Variants in DPYD observed in about 807,000 individuals in gnomAD.
The protein encoded by DPYD is dihydropyrimidine dehydrogenase [NADP(+)].
Under a neutral mutation model 116.2 loss-of-function variants are expected in DPYD, and 109 were observed. The observed-to-expected ratio is 0.94, with a 90% CI of 0.80 to 1.10. DPYD has a LOEUF of 1.10. Ranked by LOEUF, DPYD falls within the 50% of genes least tolerant of loss-of-function variation. The pLI is 0.00. For missense variants in DPYD, 1,302 were observed against 1,254.5 expected (o/e 1.04, Z -0.57); for synonymous variants, 440 against 432.0 (o/e 1.02, Z -0.23).
intron 3 of DPYD, among the ~76,000 whole-genome samples, chr1:97,760,233 G>T (rs1035372505): frequency 6.6e-6 from 1 of 152,006 alleles, no homozygotes; most frequent in African/African-American, 2.4e-5. Context: ...AGTCCTCTAA[G>T]AATTTTGTTG....
chr1:97,385,479 C>T (rs58067278), intron 14 of DPYD, among the ~76,000 whole-genome samples: 11 of 148,580 alleles, frequency 7.4e-5, no homozygotes, highest in Non-Finnish European at 1.0e-4. Context: ...TACCCTGTGG[C>T]GAAACTGATA....
chr1:97,810,431 A>G (rs919879270), intron 3 of DPYD, among the ~76,000 whole-genome samples: 1 of 152,120 alleles, frequency 6.6e-6, no homozygotes, highest in South Asian at 2.1e-4. Context: ...CTTTAATTAC[A>G]CATTAAAGGG....
At chr1:97,356,548 G>A (rs781638954) in intron 16 of DPYD, among the ~76,000 whole-genome samples, 3 of 152,068 alleles carry the variant, frequency 2.0e-5, no homozygotes, top group Non-Finnish European at 4.4e-5. Flanking sequence ...AGGCAAACAG[G>A]GTCTGGAGTG....
At chr1:97,382,192 T>C (rs1395027348) in intron 15 of DPYD, among the ~76,000 whole-genome samples, 2 of 152,196 alleles carry the variant, frequency 1.3e-5, no homozygotes, top group Non-Finnish European at 2.9e-5. Context: ...ACCGCTTTTA[T>C]AGAATAAATT....
chr1:97,255,100 A>T (rs1458811462), intron 18 of DPYD, among the ~76,000 whole-genome samples: 1 of 152,138 alleles, frequency 6.6e-6, no homozygotes, highest in East Asian at 1.9e-4. Flanking sequence ...TTATGAATGA[A>T]ATGCACTGTT....
intron 3 of DPYD, among the ~76,000 whole-genome samples, chr1:97,800,780 G>A (rs1383760354): frequency 6.6e-6 from 1 of 151,808 alleles, no homozygotes; most frequent in African/African-American, 2.4e-5. Context: ...CCCCACAAGT[G>A]TAACTAGATT....
chr1:97,833,832 TAAAG>T (rs1055339260), intron 2 of DPYD, among the ~76,000 whole-genome samples: 1 of 152,084 alleles, frequency 6.6e-6, no homozygotes, highest in Non-Finnish European at 1.5e-5. Flanking sequence ...TTATGAATAA[TAAAG>T]TAAAAGAAAG....
chr1:97,801,946 C>A (rs74105462), intron 3 of DPYD, among the ~76,000 whole-genome samples: 1 of 151,354 alleles, frequency 6.6e-6, no homozygotes, highest in Admixed American at 6.6e-5. Context: ...ACAAACTTAA[C>A]ATATCTCCTT....
intron 18 of DPYD, among the ~76,000 whole-genome samples, chr1:97,256,182 C>T (rs1416488035): frequency 1.3e-5 from 2 of 152,070 alleles, no homozygotes; most frequent in African/African-American, 2.4e-5. Context: ...TTATTGCCCG[C>T]TAATAAAAGC....
At chr1:97,583,216 GC>G (rs1342917830) in intron 10 of DPYD, among the ~76,000 whole-genome samples, 4 of 152,060 alleles carry the variant, frequency 2.6e-5, no homozygotes, top group Non-Finnish European at 5.9e-5. Context: ...TGATCCACCC[GC>G]CCCGGCTTCC....
chr1:97,242,124 G>GTA (rs71590220), intron 18 of DPYD, among the ~76,000 whole-genome samples: 1,432 of 35,616 alleles, frequency 0.04, 68 homozygotes, highest in Non-Finnish European at 0.052. Context: ...GTGTGCGTGT[G>GTA]TATATATATA....
chr1:97,507,554 C>A (rs993141499), intron 13 of DPYD, among the ~76,000 whole-genome samples: 11 of 151,896 alleles, frequency 7.2e-5, no homozygotes, highest in African/African-American at 2.7e-4. Context: ...TTATTTCTAA[C>A]AAGGTTTCCA....
At chr1:97,312,404 A>T (rs1008539912) in intron 16 of DPYD, among the ~76,000 whole-genome samples, 1 of 151,900 alleles carries the variant, frequency 6.6e-6, no homozygotes, top group Non-Finnish European at 1.5e-5. Context: ...TTAAATTCCA[A>T]TTCCAAATAC....
Position 97,440,353 on chromosome 1 carries a change from G to C in DPYD, c.1905+9706C>G, listed in dbSNP as rs1009123750. The stretch of plus-strand genomic sequence containing the variant: ...TACATTTTTCATGAGATTATTTAAT[G>C]GTTAGGTTTAACTCTTATCATCTAT... On this transcript the variant is annotated intron_variant, in intron 14 of 22. Transcript: ENST00000370192. Among the ~76,000 whole-genome samples, 5 of 150,584 alleles carry C rather than the reference G, an allele frequency of 3.3e-5. No individual in the cohort carries two copies. The East Asian group carries it at 7.7e-4, about 23-fold the overall frequency.
At chr1:97,636,431 C>T (rs904942784) in intron 8 of DPYD, among the ~76,000 whole-genome samples, 2 of 151,950 alleles carry the variant, frequency 1.3e-5, no homozygotes, top group Admixed American at 6.6e-5. Flanking sequence ...GCAAGTCACC[C>T]GACCTTTCCA....
At chr1:97,513,143 A>G (rs1271801100) in intron 13 of DPYD, among the ~76,000 whole-genome samples, 2 of 151,652 alleles carry the variant, frequency 1.3e-5, no homozygotes, top group African/African-American at 4.8e-5. Flanking sequence ...AGCATATTAG[A>G]CCTCAATCTG....
rs182319999 is a variant in DPYD, at chr1:97,400,256, C to G, written c.1906-17795G>C. ...GTTTATATGCTGGATTACGTTTATTCATTTGCGTATGTTGAACCAGCCTTG... is the reference window on the plus strand; with the variant it reads ...GTTTATATGCTGGATTACGTTTATTGATTTGCGTATGTTGAACCAGCCTTG... On this transcript the variant is annotated intron_variant, in intron 14 of 22. Transcript: ENST00000370192. Among the ~76,000 whole-genome samples the G allele has an allele frequency of 3.8e-4, 58 of 152,176 alleles. 2 individuals carry two copies. In the East Asian group the frequency reaches 0.01, roughly 27 times the overall value.
At chr1:97,652,103 G>A (rs184673592) in intron 8 of DPYD, among the ~76,000 whole-genome samples, 6 of 152,100 alleles carry the variant, frequency 3.9e-5, no homozygotes, top group Non-Finnish European at 5.9e-5. Flanking sequence ...TACGGATCAT[G>A]AGTCACTATA....
chr1:97,427,184 T>C (rs981725408), intron 14 of DPYD, among the ~76,000 whole-genome samples: 2 of 152,122 alleles, frequency 1.3e-5, no homozygotes, highest in Admixed American at 6.6e-5. Flanking sequence ...TCTTTTATTG[T>C]TTGTTTTTGA....
Sources: gnomAD v4.1 joint callset for allele counts (sites outside exome capture counted in the v4.1 genomes callset) on GRCh38, gnomAD v4.1.1 for gene constraint, MANE v1.5 for transcripts, NCBI Gene and HGNC (gene_info 2026-07-23, HGNC 2026-07-21) for gene names.